The following REXO4 variants were observed in gnomAD, a reference collection of about 807,000 sequenced individuals.
REXO4 encodes REX4 homolog, 3'-5' exonuclease.
A neutral mutation model predicts 39.9 loss-of-function variants in REXO4; 29 were observed. That is an observed-to-expected ratio of 0.73 (90% CI 0.54 to 0.99). The LOEUF (loss-of-function observed/expected upper bound fraction) is 0.99. REXO4 is among the 50% of genes least tolerant of loss of function. REXO4 has a pLI of 0.00. For synonymous variants in REXO4, 184 were observed against 206.2 expected, an observed-to-expected ratio of 0.89 and a Z score of 0.92; for missense variants, 524 against 546.5, an observed-to-expected ratio of 0.96 and a Z score of 0.41.
chr9:133,414,545 A>AGAC (rs1554781043), intron 2 of REXO4, 120 bp downstream of exon 2: 1 of 893,120 alleles, frequency 1.1e-6, no homozygotes, highest in South Asian at 1.3e-5. Context: ...ACAAAGGAAC[A>AGAC]GACGACATCA....
chr9:133,412,442 T>G lies in REXO4; in HGVS notation c.767A>C (p.Lys256Thr). Residue 256 changes from lysine (K) to threonine (T), a missense_variant, in exon 4 of 8, where the codon AAG (lysine) becomes ACG (threonine). Physicochemically the swap from Lys to Thr is moderately conservative, Grantham distance 78. Transcript: ENST00000371942. ...LDCEMVGVGP[K>T]GEESMAARVS... is the part of the protein sequence containing the mutation. ...ACGGGCGGCCATGCTCTCCTCCCCC[T>G]TAGGGCCCACGCCCACCATCTCACA... 6.2e-7 allele frequency: 1 copy of G among 1,614,056 alleles called. No individual in the cohort carries two copies. The highest frequency in any genetic ancestry group is 8.5e-7 in the Non-Finnish European group (1 of 1,180,026).
At chr9:133,414,612 C>G in intron 2 of REXO4, 53 bp downstream of exon 2, 1 of 1,527,392 alleles carries the variant, frequency 6.5e-7, no homozygotes, top group East Asian at 2.2e-5. Flanking sequence ...GGAGACAGGC[C>G]TTGGTGAAGT....
At chr9:133,407,610 C>A (rs185849376) in intron 7 of REXO4, among the ~76,000 whole-genome samples, 197 bp downstream of exon 7, 1 of 152,092 alleles carries the variant, frequency 6.6e-6, no homozygotes, top group Admixed American at 6.5e-5. Flanking sequence ...GTGTTAAATT[C>A]GTTAAATGTG....
chr9:133,413,105 CCTTT>C (rs1564395547), intron 2 of REXO4, among the ~76,000 whole-genome samples, 184 bp from the exon 3 acceptor site: 1 of 151,910 alleles, frequency 6.6e-6, no homozygotes, highest in Non-Finnish European at 1.5e-5. Flanking sequence ...TTGGCATTTT[CCTTT>C]TTTTTTTGAG....
intron 4 of REXO4, among the ~76,000 whole-genome samples, chr9:133,411,768 A>G (rs1839223394): frequency 1.3e-5 from 2 of 151,942 alleles, no homozygotes; most frequent in African/African-American, 2.4e-5. Flanking sequence ...CTCTACTTAA[A>G]ATACAAAATT....
At position 133,414,927 on chromosome 9, in the gene REXO4, G is replaced by C; in HGVS notation, c.310C>G (p.Gln104Glu). 1 of 1,613,814 alleles carries C rather than the reference G, an allele frequency of 6.2e-7. No homozygotes were observed. The highest frequency in any genetic ancestry group is 8.5e-7 in the Non-Finnish European group (1 of 1,179,960). Residue 104 changes from glutamine (Q) to glutamate (E), a missense_variant, in exon 2 of 8, where the codon CAG becomes GAG. Coordinates refer to ENST00000371942, the MANE Select transcript of REXO4 (RefSeq NM_020385.4). Reference sequence around the variant, plus strand: ...GGCGAGGTCTCTTTTTTGTTTTGCTGGATAATTTTGGGCTTCTTTTTGGAA... The same window carrying C: ...GGCGAGGTCTCTTTTTTGTTTTGCTCGATAATTTTGGGCTTCTTTTTGGAA... ...MGSKKKPKII[Q>E]QNKKETSPQV...
chr9:133,413,012 G>A, intron 2 of REXO4, 91 bp from the exon 3 acceptor site: 1 of 1,390,142 alleles, frequency 7.2e-7, no homozygotes, highest in Admixed American at 2.0e-5. Flanking sequence ...GGTGAGTGGA[G>A]CGATGGCACA....
At chr9:133,415,586 A>G (rs1056239973) in intron 1 of REXO4, 1 of 152,886 alleles carries the variant, frequency 6.5e-6, no homozygotes, top group Non-Finnish European at 1.5e-5. Flanking sequence ...CTTAGAGCCC[A>G]GCTTCCTCCC....
chr9:133,412,292 G>T lies in REXO4; in HGVS notation c.910+7C>A, dbSNP rs1839252534. 1.9e-6 allele frequency: 3 copies of T among 1,612,902 alleles called. No individual in the cohort carries two copies. The highest frequency in any genetic ancestry group is 4.5e-5 in the East Asian group (2 of 44,864). ...CCTTCTAAGTTCCTGAGCTGTGGATGACATACCCTGCTTGAGGTTCTCAGG... is the reference window on the plus strand; with the variant it reads ...CCTTCTAAGTTCCTGAGCTGTGGATTACATACCCTGCTTGAGGTTCTCAGG... On this transcript the variant is annotated splice_region_variant and intron_variant, in intron 4 of 7. Transcript: ENST00000371942.
intron 4 of REXO4, among the ~76,000 whole-genome samples, chr9:133,411,569 C>A (rs1395720369): frequency 6.6e-6 from 1 of 152,220 alleles, no homozygotes; most frequent in Non-Finnish European, 1.5e-5. Context: ...CTTGTACCCC[C>A]CGAACAGGGG....
intron 6 of REXO4, among the ~76,000 whole-genome samples, 178 bp from the exon 7 acceptor site, chr9:133,408,059 G>C (rs1007005997): frequency 6.6e-6 from 1 of 152,146 alleles, no homozygotes. Context: ...TTTATAGCAT[G>C]ATGGGCTGGT....
rs1397173836 is a variant in REXO4 at position 133,414,704 on chromosome 9, T to C, written c.533A>G (p.Lys178Arg). 2 of 1,613,994 alleles carry C rather than the reference T, an allele frequency of 1.2e-6. No individual in the cohort carries two copies. Among genetic ancestry groups the C allele is most frequent in the African/African-American group, 2.7e-5 (2 of 74,924 alleles). The change falls in exon 2 of 8, where the codon AAG (lysine) becomes AGG (arginine). Residue 178 changes from lysine (K) to arginine (R), a missense_variant. Physicochemically the swap from Lys to Arg is conservative, Grantham distance 26. Transcript: ENST00000371942. ...VPERGDIEHK[K>R]RKAKEAAPAP... Reference sequence around the variant, plus strand: ...TGGGGCTGCCTCCTTAGCTTTCCGCTTCTTATGCTCGATGTCCCCTCGTTC... The same window carrying C: ...TGGGGCTGCCTCCTTAGCTTTCCGCCTCTTATGCTCGATGTCCCCTCGTTC...
rs782462489 is a variant in REXO4, at chr9:133,414,714, C to T, written c.523G>A (p.Glu175Lys). Residue 175 changes from glutamate to lysine, a missense_variant, in exon 2 of 8, where the codon GAG becomes AAG. Glu to Lys is a moderately conservative substitution (Grantham distance 56, BLOSUM62 1). Coordinates refer to ENST00000371942, the MANE Select transcript of REXO4 (RefSeq NM_020385.4). ...TCCTTAGCTTTCCGCTTCTTATGCT[C>T]GATGTCCCCTCGTTCTGGAACAATA... ...GDIVPERGDI[E>K]HKKRKAKEAA... 1.4e-5 allele frequency: 22 copies of T among 1,613,972 alleles called. No homozygotes were observed. Among genetic ancestry groups the T allele is most frequent in the East Asian group, 1.3e-4 (6 of 44,886 alleles).
At chr9:133,407,395 G>A (rs1011382085) in intron 7 of REXO4, among the ~76,000 whole-genome samples, 6 of 152,102 alleles carry the variant, frequency 3.9e-5, no homozygotes, top group African/African-American at 1.4e-4. Flanking sequence ...CTGGGCACAG[G>A]GGCACAAGGA....
Position 133,406,920 on chromosome 9 carries a change from T to C in REXO4, c.*33A>G, listed in dbSNP as rs1331430351. ...CCTGTGACTGGTCACATTGCCTCTG[T>C]AGCGGGGCGGCAGCAGCAGCAGGGC... On this transcript the variant is annotated 3_prime_UTR_variant, in exon 8 of 8. Transcript: ENST00000371942. 2 of 1,606,464 alleles carry C rather than the reference T, an allele frequency of 1.2e-6. No individual in the cohort carries two copies. Among genetic ancestry groups the C allele is most frequent in the African/African-American group, 1.3e-5 (1 of 75,040 alleles).
chr9:133,411,199 C>T (rs587626870), intron 4 of REXO4, 126 bp from the exon 5 acceptor site: 43 of 765,626 alleles, frequency 5.6e-5, no homozygotes, highest in Non-Finnish European at 7.8e-5. Flanking sequence ...AATGCCACTA[C>T]GGAGGGTGAC....
At chr9:133,415,091 G>T in intron 1 of REXO4, 80 bp from the exon 2 acceptor site, 1 of 1,054,588 alleles carries the variant, frequency 9.5e-7, no homozygotes, top group Non-Finnish European at 1.4e-6. Flanking sequence ...ACGTGTGTAT[G>T]TATATACACA....
Position 133,412,762 on chromosome 9 carries a change from CCT to C in REXO4, c.716+14_716+15del, listed in dbSNP as rs782713521. 40 of 1,608,130 alleles carry C rather than the reference CCT, an allele frequency of 2.5e-5. No individual in the cohort carries two copies. The African/African-American group carries it at 3.3e-4, about 13-fold the overall frequency. On this transcript the variant is annotated intron_variant, in intron 3 of 7. Transcript: ENST00000371942. The stretch of plus-strand genomic sequence containing the variant: ...TAAGCATCCCCAGCAGACCCCACTC[CCT>C]GAGACCAGCGTACCCGCCGAAGGCC...
At chr9:133,411,231 AC>A (rs1402280379) in intron 4 of REXO4, among the ~76,000 whole-genome samples, 158 bp from the exon 5 acceptor site, 1 of 151,386 alleles carries the variant, frequency 6.6e-6, no homozygotes, top group Non-Finnish European at 1.5e-5. Context: ...ACATCCACCC[AC>A]CCCCCTGGGA....
Sources: allele counts gnomAD v4.1 joint callset (sites outside exome capture counted in the v4.1 genomes callset), GRCh38; gene constraint gnomAD v4.1.1; transcripts MANE v1.5; gene names NCBI Gene and HGNC (gene_info 2026-07-23, HGNC 2026-07-21).